Variants in WDPCP observed in about 807,000 individuals in gnomAD.
The protein encoded by WDPCP is WD repeat-containing and planar cell polarity effector protein fritz homolog.
WDPCP carries 71 observed loss-of-function variants against 93.1 expected under a neutral mutation model. The observed-to-expected ratio is 0.76, with a 90% CI of 0.63 to 0.93. WDPCP has a LOEUF of 0.93. WDPCP is among the 40% of genes least tolerant of loss of function. The probability of loss-of-function intolerance (pLI) is 0.00; values close to 1 mark genes in which losing one functional copy is unlikely to be tolerated. For synonymous variants in WDPCP, 315 were observed against 315.0 expected, an observed-to-expected ratio of 1.00 and a Z score of 0.00; for missense variants, 844 against 887.4, an observed-to-expected ratio of 0.95 and a Z score of 0.62.
At chr2:63,275,448 G>T (rs1683008799) in intron 13 of WDPCP, among the ~76,000 whole-genome samples, 1 of 152,098 alleles carries the variant, frequency 6.6e-6, no homozygotes, top group African/African-American at 2.4e-5. Flanking sequence ...GAACAATCAA[G>T]CAAGAGAAGG....
intron 3 of WDPCP, among the ~76,000 whole-genome samples, chr2:63,629,884 G>A (rs915057727): frequency 6.6e-6 from 1 of 152,206 alleles, no homozygotes; most frequent in African/African-American, 2.4e-5. Flanking sequence ...AAAATGTCCA[G>A]ATTTCCATTG....
Position 63,568,343 on chromosome 2 carries a change from TA to T in WDPCP, c.75+19853del, listed in dbSNP as rs900361734. The stretch of plus-strand genomic sequence containing the variant: ...TGACTATAAATGCTGAATAAATTCC[TA>T]AAAAAAAAAACAAAAAAAAACCTCT... On this transcript the variant is annotated intron_variant, in intron 1 of 17. Transcript: ENST00000272321. Among the ~76,000 whole-genome samples the T allele has an allele frequency of 4.8e-4, 31 of 64,506 alleles. No individual in the cohort carries two copies. The South Asian group carries it at 9.9e-3, about 21-fold the overall frequency. 42.3% of individuals were successfully genotyped at this position (64,506 alleles called of 152,430 possible). A position where few individuals can be genotyped will look rare whatever the true frequency, so the allele number is the denominator to read the frequency against.
chr2:63,462,178 G>C (rs1057493321), intron 6 of WDPCP, among the ~76,000 whole-genome samples: 1 of 152,164 alleles, frequency 6.6e-6, no homozygotes, highest in Non-Finnish European at 1.5e-5. Flanking sequence ...CCATAAAAAA[G>C]GATGAGTTCA....
intron 14 of WDPCP, among the ~76,000 whole-genome samples, chr2:63,204,307 G>T (rs1240979751): frequency 7.1e-6 from 1 of 140,144 alleles, no homozygotes; most frequent in Non-Finnish European, 1.6e-5. Flanking sequence ...GATCAGTGAT[G>T]TTGAGCACAT....
At chr2:63,497,956 T>C (rs1701330781) in intron 1 of WDPCP, among the ~76,000 whole-genome samples, 1 of 152,132 alleles carries the variant, frequency 6.6e-6, no homozygotes, top group Non-Finnish European at 1.5e-5. Flanking sequence ...AGCTGAGCAA[T>C]GCTGCCCCAC....
intron 14 of WDPCP, among the ~76,000 whole-genome samples, chr2:63,228,166 A>G (rs550506664): frequency 6.6e-6 from 1 of 152,164 alleles, no homozygotes; most frequent in African/African-American, 2.4e-5. Flanking sequence ...GGTCATGTAC[A>G]TCAGATCACT....
intron 6 of WDPCP, among the ~76,000 whole-genome samples, chr2:63,478,447 C>A (rs1700087749): frequency 6.6e-6 from 1 of 152,094 alleles, no homozygotes; most frequent in South Asian, 2.1e-4. Context: ...GGCCACAAAA[C>A]AAGTCTCAGT....
chr2:63,249,411 C>G (rs190527406), intron 14 of WDPCP, among the ~76,000 whole-genome samples: 1 of 152,172 alleles, frequency 6.6e-6, no homozygotes, highest in South Asian at 2.1e-4. Context: ...GGATGTTTGA[C>G]TCCTACATAC....
chr2:63,424,664 C>G (rs1696129717), intron 9 of WDPCP, among the ~76,000 whole-genome samples: 1 of 152,168 alleles, frequency 6.6e-6, no homozygotes, highest in African/African-American at 2.4e-5. Context: ...AGATCTGTGG[C>G]CAGCATGTAA....
chr2:63,649,889 G>C (rs899526571), intron 3 of WDPCP, among the ~76,000 whole-genome samples: 1 of 152,176 alleles, frequency 6.6e-6, no homozygotes. Context: ...AAACCAAAGA[G>C]ACAGACCAGA....
chr2:63,663,686 T>G (rs892860398), intron 2 of WDPCP, among the ~76,000 whole-genome samples: 2 of 152,210 alleles, frequency 1.3e-5, no homozygotes, highest in Non-Finnish European at 2.9e-5. Flanking sequence ...CATGGTGAAT[T>G]CAGTTTCTAA....
chr2:63,520,192 G>A (rs1233508556), intron 1 of WDPCP, among the ~76,000 whole-genome samples: 1 of 151,998 alleles, frequency 6.6e-6, no homozygotes, highest in Admixed American at 6.6e-5. Context: ...AAAGAAAAAA[G>A]CAATAAAAAA....
chr2:63,554,332 A>G (rs1156398144), intron 1 of WDPCP, among the ~76,000 whole-genome samples: 2 of 152,200 alleles, frequency 1.3e-5, no homozygotes, highest in African/African-American at 4.8e-5. Flanking sequence ...GAGGCACACA[A>G]TGTCAACTTG....
chr2:63,836,657 A>G, the WDPCP span, among the ~76,000 whole-genome samples: 1 of 152,134 alleles, frequency 6.6e-6, no homozygotes, highest in Admixed American at 6.5e-5. Context: ...GAATGGCTCT[A>G]TTGCCTCTAT....
intron 1 of WDPCP, among the ~76,000 whole-genome samples, chr2:63,557,982 G>C (rs976951121): frequency 1.3e-5 from 2 of 151,944 alleles, no homozygotes; most frequent in Admixed American, 6.6e-5. Flanking sequence ...GAATCTCTGG[G>C]GCACAGCTGA....
At position 63,213,359 on chromosome 2, in the gene WDPCP, T is replaced by G. The variant is rs200479673; in HGVS notation, c.1916-38527A>C. ...CAACTACATGGAAACTGAACAACCT[T>G]CTCCTGAATGACTACTGGGTATATA... On this transcript the variant is annotated intron_variant, in intron 14 of 17. Transcript: ENST00000272321. Among the ~76,000 whole-genome samples the G allele has an allele frequency of 6.6e-5, 10 of 151,956 alleles. No homozygotes were observed. The East Asian group carries it at 1.2e-3, about 18-fold the overall frequency.
At chr2:63,341,546 T>C (rs1688841193) in intron 12 of WDPCP, among the ~76,000 whole-genome samples, 1 of 152,232 alleles carries the variant, frequency 6.6e-6, no homozygotes, top group Non-Finnish European at 1.5e-5. Flanking sequence ...CTATTGGGTG[T>C]CGTTAGTTTA....
chr2:63,270,668 A>G (rs1017772266), intron 13 of WDPCP, among the ~76,000 whole-genome samples: 2 of 152,176 alleles, frequency 1.3e-5, no homozygotes, highest in African/African-American at 4.8e-5. Context: ...GTTGCCAGCC[A>G]GCCAGGATTG....
chr2:63,806,690 C>T (rs745916330), intron 2 of WDPCP, among the ~76,000 whole-genome samples: 2 of 152,110 alleles, frequency 1.3e-5, no homozygotes, highest in African/African-American at 4.8e-5. Context: ...CAGAGACCCA[C>T]CCCGAGGTGC....
Sources: gnomAD v4.1 joint callset for allele counts (sites outside exome capture counted in the v4.1 genomes callset) on GRCh38, gnomAD v4.1.1 for gene constraint, MANE v1.5 for transcripts, NCBI Gene and HGNC (gene_info 2026-07-23, HGNC 2026-07-21) for gene names.